ASCC3: variants seen among roughly 807,000 people sequenced by gnomAD.
ASCC3 encodes activating signal cointegrator 1 complex subunit 3, also known as ASC-1 complex subunit P200.
Under a neutral mutation model 256.3 loss-of-function variants are expected in ASCC3, and 158 were observed. The ratio of observed to expected loss-of-function variants is 0.62; its 90% CI spans 0.54 to 0.70. The LOEUF (loss-of-function observed/expected upper bound fraction) is 0.70, where lower values mean the gene tolerates loss of function less well. Among genes scored for constraint, ASCC3 ranks in the 30% least tolerant of loss-of-function variants. The probability of loss-of-function intolerance (pLI) is 0.00; values close to 1 mark genes in which losing one functional copy is unlikely to be tolerated. For synonymous variants in ASCC3, 948 were observed against 883.4 expected (o/e 1.07, Z -1.30); for missense variants, 2,259 against 2,626.0 (o/e 0.86, Z 3.05).
rs1202596779 is a variant in ASCC3, at chr6:100,655,797, T to C, written c.2725A>G (p.Asn909Asp). 1.2e-6 allele frequency: 2 copies of C among 1,611,356 alleles called. No individual in the cohort carries two copies. Among genetic ancestry groups the C allele is most frequent in the Non-Finnish European group, 8.5e-7 (1 of 1,178,938 alleles). The change falls in exon 17 of 42, where the codon AAT becomes GAT. Residue 909 changes from asparagine (N) to aspartate (D), a missense_variant. Coordinates refer to ENST00000369162, the MANE Select transcript of ASCC3 (RefSeq NM_006828.4). Reference sequence around the variant, plus strand: ...ATCCACTTCACTGCTTCTTCCACATTAGTAACTGTTCCCAGAGCAATCTGC... The same window carrying C: ...ATCCACTTCACTGCTTCTTCCACATCAGTAACTGTTCCCAGAGCAATCTGC... ...NAEIALGTVT[N>D]VEEAVKWISY...
At chr6:100,537,249 AACC>A (rs1296638180) in intron 37 of ASCC3, among the ~76,000 whole-genome samples, 4 of 152,194 alleles carry the variant, frequency 2.6e-5, no homozygotes. Flanking sequence ...TAAGAGGACA[AACC>A]ATCACTGCTG....
intron 40 of ASCC3, 134 bp from the exon 41 acceptor site, chr6:100,510,241 T>G: frequency 1.0e-6 from 1 of 960,714 alleles, no homozygotes; most frequent in Non-Finnish European, 1.6e-6. Flanking sequence ...TGAGATGTTT[T>G]AAATTTTCTT....
At chr6:100,822,951 C>T (rs908880679) in intron 4 of ASCC3, among the ~76,000 whole-genome samples, 1 of 152,064 alleles carries the variant, frequency 6.6e-6, no homozygotes, top group African/African-American at 2.4e-5. Flanking sequence ...TAGGAAACCA[C>T]CAGTATATTT....
At chr6:100,585,299 A>G (rs1193143337) in intron 36 of ASCC3, among the ~76,000 whole-genome samples, 1 of 151,924 alleles carries the variant, frequency 6.6e-6, no homozygotes, top group Non-Finnish European at 1.5e-5. Context: ...TTTTTTCTCT[A>G]AACTTCCCTT....
At chr6:100,637,320 T>C (rs556950089) in intron 25 of ASCC3, among the ~76,000 whole-genome samples, 145 of 152,304 alleles carry the variant, frequency 9.5e-4, no homozygotes, top group Non-Finnish European at 1.7e-3. Flanking sequence ...GCATGGTTTA[T>C]TGAATATTTT....
intron 10 of ASCC3, among the ~76,000 whole-genome samples, chr6:100,754,683 A>G (rs1394017524): frequency 6.6e-6 from 1 of 151,984 alleles, no homozygotes; most frequent in Admixed American, 6.6e-5. Context: ...TGAGTTTTAG[A>G]TCAGTTGTTT....
intron 10 of ASCC3, among the ~76,000 whole-genome samples, chr6:100,756,928 G>A (rs960203369): frequency 3.3e-5 from 5 of 152,114 alleles, no homozygotes; most frequent in African/African-American, 7.2e-5. Context: ...GACCTATGAC[G>A]AAATACATTT....
intron 17 of ASCC3, among the ~76,000 whole-genome samples, chr6:100,653,711 C>G (rs1456781220): frequency 1.3e-5 from 2 of 151,724 alleles, no homozygotes; most frequent in Non-Finnish European, 2.9e-5. Context: ...AGAACCCATT[C>G]TAAAGTAAAT....
intron 8 of ASCC3, among the ~76,000 whole-genome samples, chr6:100,774,037 A>T (rs980456681): frequency 1.3e-5 from 2 of 152,224 alleles, no homozygotes; most frequent in Non-Finnish European, 2.9e-5. Context: ...ATAACATTCT[A>T]ATCGATTCAA....
chr6:100,706,664 T>C (rs2115007430), intron 13 of ASCC3, among the ~76,000 whole-genome samples: 1 of 152,152 alleles, frequency 6.6e-6, no homozygotes, highest in African/African-American at 2.4e-5. Context: ...ACAAAGGCAT[T>C]CAGCAGAAGC....
intron 4 of ASCC3, among the ~76,000 whole-genome samples, chr6:100,820,004 G>GA (rs1410365524): frequency 2.6e-5 from 4 of 151,986 alleles, no homozygotes; most frequent in African/African-American, 7.2e-5. Context: ...TACATAAATG[G>GA]AAAAAACAGT....
chr6:100,709,466 G>A (rs1778766904), intron 13 of ASCC3, among the ~76,000 whole-genome samples: 1 of 152,090 alleles, frequency 6.6e-6, no homozygotes, highest in Admixed American at 6.6e-5. Flanking sequence ...CTAGCTCTGT[G>A]ACCTTGGGAA....
chr6:100,830,646 TA>T (rs1420958977), intron 4 of ASCC3, among the ~76,000 whole-genome samples: 2 of 152,096 alleles, frequency 1.3e-5, no homozygotes, highest in African/African-American at 4.8e-5. Flanking sequence ...TTTGTCTTTG[TA>T]AAAAAACAAA....
At position 100,643,994 on chromosome 6, in the gene ASCC3, A is replaced by G. The variant is rs768824674; in HGVS notation, c.3732+37T>C. On this transcript the variant is annotated intron_variant, in intron 23 of 41. Coordinates refer to ENST00000369162, the MANE Select transcript of ASCC3 (RefSeq NM_006828.4). Reference sequence around the variant, plus strand: ...AACTGTTAGTATAATTTTTTTTACAATAGCAAATAAGGATATATTCACATA... The same window carrying G: ...AACTGTTAGTATAATTTTTTTTACAGTAGCAAATAAGGATATATTCACATA... The G allele has an allele frequency of 5.6e-5, 80 of 1,423,658 alleles. No individual in the cohort carries two copies. In the Middle Eastern group the frequency reaches 7.2e-4, roughly 13 times the overall value. The allele number at this position is 1,423,658 out of a possible 1,614,324, so 88.2% of individuals were successfully genotyped here.
intron 1 of ASCC3, among the ~76,000 whole-genome samples, chr6:100,874,716 T>C (rs746031975): frequency 6.6e-6 from 1 of 151,732 alleles, no homozygotes; most frequent in Non-Finnish European, 1.5e-5. Flanking sequence ...TACAGTATGG[T>C]TGGGAAGAAA....
At chr6:100,846,098 C>A (rs1772368417) in intron 4 of ASCC3, among the ~76,000 whole-genome samples, 1 of 151,810 alleles carries the variant, frequency 6.6e-6, no homozygotes, top group Non-Finnish European at 1.5e-5. Flanking sequence ...TAATTATCCT[C>A]TTTCCAGGCT....
At chr6:100,615,409 CAG>C (rs1343213313) in intron 30 of ASCC3, among the ~76,000 whole-genome samples, 1 of 149,084 alleles carries the variant, frequency 6.7e-6, no homozygotes, top group African/African-American at 2.5e-5. Context: ...ATTAAAATAA[CAG>C]AGACTGTAGG....
At chr6:100,748,102 T>G (rs1780771244) in intron 10 of ASCC3, among the ~76,000 whole-genome samples, 1 of 152,092 alleles carries the variant, frequency 6.6e-6, no homozygotes, top group African/African-American at 2.4e-5. Flanking sequence ...AGATTACTGT[T>G]CTGCCAAATG....
chr6:100,576,690 A>G (rs1770881722), intron 36 of ASCC3, among the ~76,000 whole-genome samples: 1 of 152,038 alleles, frequency 6.6e-6, no homozygotes. Context: ...TTATTTTTTA[A>G]TCGCTGTATG....
Sources: allele counts gnomAD v4.1 joint callset (sites outside exome capture counted in the v4.1 genomes callset), GRCh38; gene constraint gnomAD v4.1.1; transcripts MANE v1.5; gene names NCBI Gene and HGNC (gene_info 2026-07-23, HGNC 2026-07-21).